PAPPA2: variants seen among roughly 807,000 people sequenced by gnomAD.
PAPPA2 encodes pappalysin-2.
In PAPPA2, 86 loss-of-function variants were observed where a neutral mutation model predicts 176.4. The ratio of observed to expected loss-of-function variants is 0.49; its 90% CI spans 0.41 to 0.58. The LOEUF (loss-of-function observed/expected upper bound fraction) is 0.58, where lower values mean the gene tolerates loss of function less well. Ranked by LOEUF, PAPPA2 falls within the 20% of genes least tolerant of loss-of-function variation. The probability of loss-of-function intolerance (pLI) is 0.00; values close to 1 mark genes in which losing one functional copy is unlikely to be tolerated. For missense variants in PAPPA2, 2,073 were observed against 2,256.9 expected, an observed-to-expected ratio of 0.92 and a Z score of 1.65; for synonymous variants, 809 against 852.2, an observed-to-expected ratio of 0.95 and a Z score of 0.88.
At chr1:176,547,028 G>A (rs934552911) in intron 1 of PAPPA2, among the ~76,000 whole-genome samples, 2 of 152,202 alleles carry the variant, frequency 1.3e-5, no homozygotes, top group African/African-American at 4.8e-5. Flanking sequence ...TGGCTTGCAT[G>A]TGGAAGTTTT....
At chr1:176,473,256 C>T (rs1651965873) in intron 1 of PAPPA2, among the ~76,000 whole-genome samples, 2 of 152,300 alleles carry the variant, frequency 1.3e-5, no homozygotes, top group South Asian at 4.1e-4. Flanking sequence ...TTTGCCTTTT[C>T]TAGAATGTCA....
At chr1:176,485,434 C>G (rs550286258) in intron 1 of PAPPA2, among the ~76,000 whole-genome samples, 43 of 152,146 alleles carry the variant, frequency 2.8e-4, no homozygotes, top group Non-Finnish European at 5.6e-4. Flanking sequence ...TTCCCTGTGC[C>G]TAGAAGCCAC....
At chr1:176,467,968 G>C (rs1020848042) in intron 1 of PAPPA2, among the ~76,000 whole-genome samples, 1 of 152,194 alleles carries the variant, frequency 6.6e-6, no homozygotes, top group African/African-American at 2.4e-5. Context: ...CCTAAGAGGG[G>C]CTGGCTGGGG....
intron 5 of PAPPA2, among the ~76,000 whole-genome samples, chr1:176,691,390 G>A (rs1005756607): frequency 2.0e-5 from 3 of 152,186 alleles, no homozygotes; most frequent in African/African-American, 7.2e-5. Flanking sequence ...TTTCATTGCG[G>A]TGAATAATTC....
rs1573262683 is a variant in PAPPA2 at position 176,692,238 on chromosome 1, T to C, written c.2544T>C (p.Ile848=). The C allele has an allele frequency of 6.2e-7, 1 of 1,614,014 alleles. No individual in the cohort carries two copies. The highest frequency in any genetic ancestry group is 8.5e-7 in the Non-Finnish European group (1 of 1,179,926). ...GCAGAAAGCCCACCCCCATCCCCATTCCACCTATGGTCATCGGACAGACCA... is the reference window on the plus strand; with the variant it reads ...GCAGAAAGCCCACCCCCATCCCCATCCCACCTATGGTCATCGGACAGACCA... ...TESRKPTPIP[I]PPMVIGQTNK... Residue 848 remains isoleucine (I), a synonymous_variant, in exon 6 of 23, where the codon ATT becomes ATC. Transcript: ENST00000367662.
In PAPPA2 at chr1:176,594,541, T is replaced by C; in HGVS notation, c.937T>C (p.Ser313Pro). Residue 313 changes from serine to proline, a missense_variant, in exon 3 of 23, where the codon TCC becomes CCC. By Grantham distance (74) the Ser-to-Pro change is moderately conservative. Around this residue, in one of 4 missense-constraint regions of PAPPA2, gnomAD observed 1,196 missense variants for 1,330.4 expected, o/e 0.90. Transcript: ENST00000367662. ...AIIAGVFDNC[S>P]HTVSDKGWAL... ...TTTCCCAGGTGTGTTTGATAACTGC[T>C]CCCACACTGTCAGTGACAAAGGCTG... 1 of 1,613,948 alleles carries C rather than the reference T, an allele frequency of 6.2e-7. No individual in the cohort carries two copies. The highest frequency in any genetic ancestry group is 1.1e-5 in the South Asian group (1 of 91,050).
chr1:176,775,894 C>T (rs1255257850), intron 17 of PAPPA2, among the ~76,000 whole-genome samples: 2 of 152,176 alleles, frequency 1.3e-5, no homozygotes, highest in Non-Finnish European at 2.9e-5. Flanking sequence ...TAGATTTTAA[C>T]ACGTCTCTGA....
rs1435282357 is a variant in PAPPA2, at chr1:176,771,326, T to G, written c.4715+146T>G. On this transcript the variant is annotated intron_variant, in intron 17 of 22. Transcript: ENST00000367662. ...CCTGCTGTGCTTTCTGTAAATATAT[T>G]CTCTCCAATAGAAGATCCCACAGTC... 4 of 734,190 alleles carry G rather than the reference T, an allele frequency of 5.4e-6. No homozygotes were observed. The East Asian group carries it at 8.1e-5, about 15-fold the overall frequency. 45.5% of individuals were successfully genotyped at this position (734,190 alleles called of 1,614,324 possible).
intron 12 of PAPPA2, among the ~76,000 whole-genome samples, chr1:176,734,657 C>T (rs1041167908): frequency 2.6e-5 from 4 of 152,014 alleles, no homozygotes; most frequent in African/African-American, 9.7e-5. Flanking sequence ...AGGTAAGATC[C>T]CTTGAAACTT....
chr1:176,571,359 T>C (rs930590659), intron 2 of PAPPA2, among the ~76,000 whole-genome samples: 48 of 152,212 alleles, frequency 3.2e-4, no homozygotes, highest in African/African-American at 1.1e-3. Context: ...AGCCCTTTAC[T>C]AGCTGTGGGA....
intron 21 of PAPPA2, among the ~76,000 whole-genome samples, chr1:176,807,497 C>CTTTTTTTTTTTT (rs1156629514): frequency 7.3e-6 from 1 of 137,776 alleles, no homozygotes; most frequent in Non-Finnish European, 1.6e-5. Context: ...TTCTTTCTTT[C>CTTTTTTTTTTTT]TTTTTTTTTT....
At chr1:176,677,351 A>G (rs1173354985) in intron 4 of PAPPA2, among the ~76,000 whole-genome samples, 1 of 152,182 alleles carries the variant, frequency 6.6e-6, no homozygotes, top group African/African-American at 2.4e-5. Flanking sequence ...ACTGAATCCA[A>G]TTTCTGACTA....
chr1:176,497,062 T>C (rs1558402396), intron 1 of PAPPA2, among the ~76,000 whole-genome samples: 1 of 152,158 alleles, frequency 6.6e-6, no homozygotes, highest in African/African-American at 2.4e-5. Context: ...GTGACACATA[T>C]ATGTTCCATG....
At position 176,803,378 on chromosome 1, in the gene PAPPA2, G is replaced by A. The variant is rs534141041; in HGVS notation, c.5202+3246G>A. Among the ~76,000 whole-genome samples the A allele has an allele frequency of 2.6e-5, 4 of 152,340 alleles. No individual in the cohort carries two copies. The East Asian group carries it at 7.7e-4, about 29-fold the overall frequency. On this transcript the variant is annotated intron_variant, in intron 21 of 22. Coordinates refer to ENST00000367662, the MANE Select transcript of PAPPA2 (RefSeq NM_020318.3). ...GAATGTTTACTGAATGAGTAAAGCA[G>A]AATGCAGGGGCATTGCTGCTGGTGT... is the stretch of plus-strand genomic sequence containing the variant.
intron 4 of PAPPA2, among the ~76,000 whole-genome samples, chr1:176,674,218 G>A (rs1054292263): frequency 6.6e-6 from 1 of 152,054 alleles, no homozygotes; most frequent in African/African-American, 2.4e-5. Flanking sequence ...GTAAACAGAA[G>A]TAGTACAGCT....
chr1:176,774,879 A>T (rs1664387783), intron 17 of PAPPA2, among the ~76,000 whole-genome samples: 1 of 152,104 alleles, frequency 6.6e-6, no homozygotes, highest in African/African-American at 2.4e-5. Flanking sequence ...TTCAGCTCTT[A>T]CACAACCTTC....
rs1383221602 is a variant in PAPPA2, at chr1:176,740,150, A to G, written c.4105A>G (p.Ser1369Gly). ...TSSRIGLSAP[S>G]NCISEDEGQN... Reference sequence around the variant, plus strand: ...CTCCCGCATTGGTCTTTCGGCTCCCAGTAACTGCATCTCAGAGGACGAGGG... The same window carrying G: ...CTCCCGCATTGGTCTTTCGGCTCCCGGTAACTGCATCTCAGAGGACGAGGG... The change falls in exon 14 of 23, where the codon AGT (serine) becomes GGT (glycine). Residue 1369 changes from serine (S) to glycine (G), a missense_variant. Ser to Gly is a moderately conservative substitution (Grantham distance 56). Coordinates refer to ENST00000367662, the MANE Select transcript of PAPPA2 (RefSeq NM_020318.3). 6.2e-7 allele frequency: 1 copy of G among 1,613,846 alleles called. No homozygotes were observed. Among genetic ancestry groups the G allele is most frequent in the East Asian group, 2.2e-5 (1 of 44,852 alleles).
chr1:176,828,636 T>TATAGATA (rs1666950767), intron 21 of PAPPA2, among the ~76,000 whole-genome samples: 1 of 152,026 alleles, frequency 6.6e-6, no homozygotes, highest in Admixed American at 6.6e-5. Context: ...ATGTATACAA[T>TATAGATA]TGCATATACA....
chr1:176,559,100 C>A (rs1364000103), intron 2 of PAPPA2, among the ~76,000 whole-genome samples: 2 of 152,178 alleles, frequency 1.3e-5, no homozygotes, highest in African/African-American at 4.8e-5. Context: ...TCTACCTTGC[C>A]CACCTGTCCA....
Sources: gnomAD v4.1 joint callset for allele counts (sites outside exome capture counted in the v4.1 genomes callset) on GRCh38, gnomAD v4.1.1 for gene constraint, gnomAD v4.1.1 regional missense constraint, MANE v1.5 for transcripts, NCBI Gene and HGNC (gene_info 2026-07-23, HGNC 2026-07-21) for gene names.